RNF180: variants seen among roughly 807,000 people sequenced by gnomAD.
RNF180 encodes the protein ring finger protein 180.
Under a neutral mutation model 59.2 loss-of-function variants are expected in RNF180, and 38 were observed. The observed-to-expected ratio is 0.64, with a 90% confidence interval of 0.50 to 0.84. The LOEUF (loss-of-function observed/expected upper bound fraction) is 0.84, where lower values mean the gene tolerates loss of function less well. Ranked by LOEUF, RNF180 falls within the 40% of genes least tolerant of loss-of-function variation. RNF180 has a pLI of 0.00. For missense variants in RNF180, 705 were observed against 700.9 expected (o/e 1.01, Z -0.07); for synonymous variants, 262 against 240.3 (o/e 1.09, Z -0.84).
rs1471171915 is a variant in RNF180, at chr5:64,325,365, A to G, written c.1407A>G (p.Pro469=). 2 of 1,551,722 alleles carry G rather than the reference A, an allele frequency of 1.3e-6. No individual in the cohort carries two copies. Among genetic ancestry groups the G allele is most frequent in the Non-Finnish European group, 1.7e-6 (2 of 1,146,962 alleles). Reference sequence around the variant, plus strand: ...CCAAAGACAATCCTTCAAGCACTCCATGCCCATTGTGTCGGACAATTATTT... The same window carrying G: ...CCAAAGACAATCCTTCAAGCACTCCGTGCCCATTGTGTCGGACAATTATTT... The part of the protein sequence containing the change: ...TLAKDNPSST[P]CPLCRTIISR... Residue 469 remains proline, a synonymous_variant, in exon 6 of 8, where the codon CCA becomes CCG. Coordinates refer to ENST00000389100, the MANE Select transcript of RNF180 (RefSeq NM_001113561.2).
chr5:64,315,624 A>G (rs1391448633), intron 5 of RNF180, among the ~76,000 whole-genome samples: 1 of 147,748 alleles, frequency 6.8e-6, no homozygotes, highest in East Asian at 2.0e-4. Flanking sequence ...CATGCCTGTA[A>G]TCCCAGCTAT....
chr5:64,170,771 T>C (rs372370309), intron 1 of RNF180, among the ~76,000 whole-genome samples: 1 of 152,092 alleles, frequency 6.6e-6, no homozygotes, highest in East Asian at 1.9e-4. Context: ...ATGAGGGAGA[T>C]GTGAATCCAG....
At chr5:64,277,789 T>C (rs767781879) in intron 5 of RNF180, among the ~76,000 whole-genome samples, 46 of 152,152 alleles carry the variant, frequency 3.0e-4, no homozygotes, top group Non-Finnish European at 4.4e-4. Context: ...GTCAGCTCCT[T>C]CTTCTCCTTT....
Position 64,179,280 on chromosome 5 carries a change from A to G in RNF180, c.-1+13327A>G, listed in dbSNP as rs147812974. Among the ~76,000 whole-genome samples the G allele has an allele frequency of 9.8e-3, 1,488 of 152,048 alleles. 20 individuals are homozygous for G. Among genetic ancestry groups the G allele is most frequent in the Admixed American group, 0.03 (454 of 15,282 alleles). ...TACTGAACATCTGTGTGTTCTCACCACTTAGTATTAGAAAATATTAATGTT... is the reference window on the plus strand; with the variant it reads ...TACTGAACATCTGTGTGTTCTCACCGCTTAGTATTAGAAAATATTAATGTT... On this transcript the variant is annotated intron_variant, in intron 1 of 7. Transcript: ENST00000389100.
rs181383967 is a variant in RNF180 at position 64,221,516 on chromosome 5, C to T, written c.1227+4120C>T. Among the ~76,000 whole-genome samples, 11 of 152,224 alleles carry T rather than the reference C, an allele frequency of 7.2e-5. No homozygotes were observed. The East Asian group carries it at 1.7e-3, about 24-fold the overall frequency. On this transcript the variant is annotated intron_variant, in intron 5 of 7. Coordinates refer to ENST00000389100, the MANE Select transcript of RNF180 (RefSeq NM_001113561.2). Reference sequence around the variant, plus strand: ...AATGTAAAAATACCTAGGGCATACTCAGTAAGTTGATAATTCTAATTTTAT... The same window carrying T: ...AATGTAAAAATACCTAGGGCATACTTAGTAAGTTGATAATTCTAATTTTAT...
chr5:64,221,478 ACT>A (rs1741331230), intron 5 of RNF180, among the ~76,000 whole-genome samples: 1 of 152,102 alleles, frequency 6.6e-6, no homozygotes, highest in Admixed American at 6.5e-5. Flanking sequence ...TAAGTTTGTT[ACT>A]CTGTTTTATG....
chr5:64,240,300 G>T (rs1198835791), intron 5 of RNF180, among the ~76,000 whole-genome samples: 1 of 152,088 alleles, frequency 6.6e-6, no homozygotes, highest in Non-Finnish European at 1.5e-5. Flanking sequence ...GGCTGCAGTA[G>T]GTCCTCTATG....
intron 1 of RNF180, among the ~76,000 whole-genome samples, chr5:64,184,571 G>A (rs1011741759): frequency 1.3e-5 from 2 of 152,010 alleles, no homozygotes; most frequent in Non-Finnish European, 2.9e-5. Context: ...CTGCTTGATT[G>A]GATTCTTTCT....
At chr5:64,226,701 G>A (rs1741783675) in intron 5 of RNF180, among the ~76,000 whole-genome samples, 1 of 151,830 alleles carries the variant, frequency 6.6e-6, no homozygotes, top group Admixed American at 6.6e-5. Flanking sequence ...GTTGTTTTAA[G>A]CCACATTTGT....
intron 5 of RNF180, among the ~76,000 whole-genome samples, chr5:64,224,064 T>A (rs758107154): frequency 1.1e-5 from 1 of 93,648 alleles, no homozygotes; most frequent in African/African-American, 4.3e-5. Flanking sequence ...TAGGTTGGGG[T>A]GTGTGTGTGT....
intron 7 of RNF180, among the ~76,000 whole-genome samples, chr5:64,337,149 G>A (rs1434223743): frequency 1.3e-5 from 2 of 151,890 alleles, no homozygotes; most frequent in African/African-American, 4.8e-5. Flanking sequence ...GAGTAGCTGG[G>A]ACTACAGGAG....
chr5:64,188,308 T>G (rs887518753), intron 1 of RNF180, among the ~76,000 whole-genome samples: 3 of 152,268 alleles, frequency 2.0e-5, no homozygotes, highest in African/African-American at 7.2e-5. Flanking sequence ...TCTCATTTTC[T>G]GGAGACATAA....
rs185217659 is a variant in RNF180, at chr5:64,174,369, G to C, written c.-1+8416G>C. Among the ~76,000 whole-genome samples, 17 of 152,192 alleles carry C rather than the reference G, an allele frequency of 1.1e-4. No homozygotes were observed. The East Asian group carries it at 3.3e-3, about 29-fold the overall frequency. On this transcript the variant is annotated intron_variant, in intron 1 of 7. Coordinates refer to ENST00000389100, the MANE Select transcript of RNF180 (RefSeq NM_001113561.2). The stretch of plus-strand genomic sequence containing the variant: ...TGTTGAAGTTCACTATTAATTTTTT[G>C]AGGAACCTCCATACTGTCTTCAATA...
chr5:64,190,407 A>G (rs1321357600), intron 1 of RNF180, among the ~76,000 whole-genome samples: 1 of 152,152 alleles, frequency 6.6e-6, no homozygotes, highest in African/African-American at 2.4e-5. Context: ...CCTCGTGATT[A>G]GTTATACCTT....
intron 1 of RNF180, among the ~76,000 whole-genome samples, chr5:64,194,329 A>T (rs1751341929): frequency 6.6e-6 from 1 of 152,164 alleles, no homozygotes; most frequent in Admixed American, 6.6e-5. Context: ...ACAAAGGACA[A>T]GAACTCATCC....
At chr5:64,166,377 A>G (rs1749640963) in intron 1 of RNF180, 1 of 152,666 alleles carries the variant, frequency 6.6e-6, no homozygotes, top group Non-Finnish European at 1.5e-5. Context: ...TGTGGGGACC[A>G]CACAGCCCCT....
intron 2 of RNF180, among the ~76,000 whole-genome samples, chr5:64,209,244 C>T (rs1274435236): frequency 6.6e-6 from 1 of 151,922 alleles, no homozygotes; most frequent in Non-Finnish European, 1.5e-5. Flanking sequence ...CATTGTAAAA[C>T]TTTCTTCTAC....
At chr5:64,333,803 G>A (rs1489928499) in intron 7 of RNF180, among the ~76,000 whole-genome samples, 4 of 152,116 alleles carry the variant, frequency 2.6e-5, no homozygotes, top group Admixed American at 2.6e-4. Context: ...GTTTATGAAG[G>A]AGGTTCAAAG....
intron 6 of RNF180, among the ~76,000 whole-genome samples, chr5:64,327,213 G>C (rs1213167620): frequency 6.6e-6 from 1 of 151,674 alleles, no homozygotes; most frequent in Non-Finnish European, 1.5e-5. Context: ...TGTCAATTTG[G>C]TTTATCTTTC....
Sources: allele counts gnomAD v4.1 joint callset (sites outside exome capture counted in the v4.1 genomes callset), GRCh38; gene constraint gnomAD v4.1.1; transcripts MANE v1.5; gene names NCBI Gene and HGNC (gene_info 2026-07-23, HGNC 2026-07-21).